The following FZD3 variants were observed in gnomAD, a reference collection of about 807,000 sequenced individuals.
The protein encoded by FZD3 is frizzled-3.
FZD3 carries 30 observed loss-of-function variants against 60.7 expected under a neutral mutation model. That is an observed-to-expected ratio of 0.49 (90% confidence interval 0.37 to 0.67). The LOEUF is 0.67. Among genes scored for constraint, FZD3 ranks in the 30% least tolerant of loss-of-function variants. FZD3 has a pLI of 0.00. For synonymous variants in FZD3, 246 were observed against 275.2 expected, an observed-to-expected ratio of 0.89 and a Z score of 1.05; for missense variants, 605 against 838.7, an observed-to-expected ratio of 0.72 and a Z score of 3.44.
At chr8:28,495,089 C>G (rs547495827) in intron 1 of FZD3, among the ~76,000 whole-genome samples, 3 of 152,196 alleles carry the variant, frequency 2.0e-5, no homozygotes, top group Admixed American at 6.5e-5. Flanking sequence ...GGTGAAGGAG[C>G]CTTGTGTCCT....
chr8:28,496,994 A>G (rs1803861735), intron 1 of FZD3, among the ~76,000 whole-genome samples: 1 of 152,222 alleles, frequency 6.6e-6, no homozygotes, highest in Admixed American at 6.5e-5. Context: ...TTTAAAGTCC[A>G]GAATCTATCT....
intron 5 of FZD3, among the ~76,000 whole-genome samples, chr8:28,543,161 T>C (rs1316547285): frequency 1.3e-5 from 2 of 152,242 alleles, no homozygotes; most frequent in African/African-American, 4.8e-5. Context: ...CAACTCTGAT[T>C]AGCTCTCTTT....
At chr8:28,554,069 A>G (rs937585993) in intron 6 of FZD3, among the ~76,000 whole-genome samples, 4 of 152,236 alleles carry the variant, frequency 2.6e-5, no homozygotes, top group Non-Finnish European at 4.4e-5. Context: ...ACTGGTTTCT[A>G]ACATTGTGCT....
At chr8:28,559,251 A>T (rs78322258) in intron 7 of FZD3, among the ~76,000 whole-genome samples, 1,951 of 152,320 alleles carry the variant, frequency 0.013, 47 homozygotes, top group African/African-American at 0.045. Context: ...GAATCCCTTG[A>T]GTCACTATTA....
At position 28,527,828 on chromosome 8, in the gene FZD3, T is replaced by C; in HGVS notation, c.1068T>C (p.Asn356=). ...CGATGAATAAAATTGAAGGTGACAA[T>C]ATTAGTGGCGTGTGTTTTGTTGGCC... ...LLAMNKIEGD[N]ISGVCFVGLY... Residue 356 remains asparagine (N), a synonymous_variant, in exon 5 of 8, where the codon AAT becomes AAC. Coordinates refer to ENST00000240093, the MANE Select transcript of FZD3 (RefSeq NM_017412.4). The surrounding 1 kb of genome is among the most constrained non-coding windows in gnomAD (Gnocchi z 5.0). The C allele has an allele frequency of 1.9e-6, 3 of 1,614,070 alleles. No individual in the cohort carries two copies. Among genetic ancestry groups the C allele is most frequent in the Non-Finnish European group, 2.5e-6 (3 of 1,179,958 alleles).
At position 28,562,918 on chromosome 8, in the gene FZD3, CA is replaced by C; in HGVS notation, c.1909del (p.Ser637AlafsTer10). The C allele has an allele frequency of 6.2e-7, 1 of 1,612,500 alleles. No homozygotes were observed. The highest frequency in any genetic ancestry group is 8.5e-7 in the Non-Finnish European group (1 of 1,178,530). ...HRLNEQSRHS[S>X]IRDLSNNPMT... ...GGCTCAATGAACAGTCACGACATAG[CA>C]GCATCAGAGATCTCAGTAATAATCC... On this transcript the variant is annotated frameshift_variant, in exon 8 of 8. Transcript: ENST00000240093. LOFTEE classifies it high-confidence loss of function.
intron 6 of FZD3, among the ~76,000 whole-genome samples, chr8:28,555,059 T>C (rs1184561644): frequency 6.6e-6 from 1 of 152,174 alleles, no homozygotes; most frequent in Non-Finnish European, 1.5e-5. Flanking sequence ...AAATTTTTTG[T>C]TCTTAACCAT....
At chr8:28,531,420 AGTT>A (rs1322003773) in intron 5 of FZD3, among the ~76,000 whole-genome samples, 10 of 152,166 alleles carry the variant, frequency 6.6e-5, no homozygotes, top group African/African-American at 1.2e-4. Context: ...TGAATTATAT[AGTT>A]GTTTCTAATT....
At chr8:28,553,735 CCTTATTCT>C (rs1805453998) in intron 6 of FZD3, among the ~76,000 whole-genome samples, 1 of 152,120 alleles carries the variant, frequency 6.6e-6, no homozygotes, top group Non-Finnish European at 1.5e-5. Flanking sequence ...AGTGGCAGCC[CCTTATTCT>C]GGCATTCAAG....
At chr8:28,557,606 T>A (rs1483395528) in intron 7 of FZD3, among the ~76,000 whole-genome samples, 2 of 152,348 alleles carry the variant, frequency 1.3e-5, no homozygotes, top group East Asian at 3.9e-4. Flanking sequence ...TCCTTTTTCT[T>A]TCCTGGCTAG....
intron 5 of FZD3, among the ~76,000 whole-genome samples, chr8:28,533,184 A>G (rs1019311835): frequency 2.6e-5 from 4 of 151,444 alleles, no homozygotes; most frequent in African/African-American, 9.7e-5. Flanking sequence ...CCCATGATCA[A>G]TCTTGTTAAA....
At chr8:28,550,481 C>CTTTTTTTTTTTTTTTTTTTTTTTTTTTTT (rs386412443) in intron 5 of FZD3, among the ~76,000 whole-genome samples, 1 of 34,336 alleles carries the variant, frequency 2.9e-5, no homozygotes, top group Non-Finnish European at 4.7e-5. Context: ...CTTCTTTTAT[C>CTTTTTTTTTTTTTTTTTTTTTTTTTTTTT]TTTTTTTTTT....
At chr8:28,539,043 A>G (rs550146080) in intron 5 of FZD3, among the ~76,000 whole-genome samples, 2 of 152,186 alleles carry the variant, frequency 1.3e-5, no homozygotes, top group Non-Finnish European at 2.9e-5. Context: ...ATACGGAGAA[A>G]CCTAGTAAAA....
rs1804740045 is a variant in FZD3 at position 28,527,345 on chromosome 8, A to G, written c.585A>G (p.Arg195=). Residue 195 remains arginine (R), a synonymous_variant, in exon 5 of 8, where the codon AGA becomes AGG. Transcript: ENST00000240093. The surrounding 1 kb of genome is among the most constrained non-coding windows in gnomAD (Gnocchi z 5.0). The part of the protein sequence containing the change: ...CSPPCPNMYF[R]REELSFARYF... ...CTCCTTGTCCAAATATGTACTTCAGAAGAGAAGAACTGTCATTTGCTCGCT... is the reference window on the plus strand; with the variant it reads ...CTCCTTGTCCAAATATGTACTTCAGGAGAGAAGAACTGTCATTTGCTCGCT... 6.2e-7 allele frequency: 1 copy of G among 1,613,652 alleles called. No homozygotes were observed. The highest frequency in any genetic ancestry group is 8.5e-7 in the Non-Finnish European group (1 of 1,179,534).
chr8:28,494,646 G>T (rs967717281), intron 1 of FZD3, among the ~76,000 whole-genome samples: 1 of 152,054 alleles, frequency 6.6e-6, no homozygotes, highest in African/African-American at 2.4e-5. Context: ...TAAGGGGGGA[G>T]CTGCCCCGGG....
intron 1 of FZD3, among the ~76,000 whole-genome samples, chr8:28,494,712 G>A (rs955470593): frequency 1.3e-5 from 2 of 152,054 alleles, no homozygotes; most frequent in South Asian, 2.1e-4. Context: ...TGCGAGTGTG[G>A]ACCGCGGTTC....
chr8:28,544,742 AT>A (rs949069097), intron 5 of FZD3, among the ~76,000 whole-genome samples: 2 of 152,102 alleles, frequency 1.3e-5, no homozygotes, highest in Admixed American at 6.5e-5. Context: ...CACAATTTAC[AT>A]TTTTCCATAC....
rs138900285 is a variant in FZD3 at position 28,527,114 on chromosome 8, T to C, written c.387-33T>C. ...AGATCGTGATAGATTTCCCCATAAG[T>C]AAAAATAGTTCTCATCTTGTTTTGT... On this transcript the variant is annotated intron_variant, in intron 4 of 7. Coordinates refer to ENST00000240093, the MANE Select transcript of FZD3 (RefSeq NM_017412.4). The surrounding 1 kb of genome is among the most constrained non-coding windows in gnomAD (Gnocchi z 5.0). The C allele has an allele frequency of 0.017, 26,170 of 1,554,894 alleles. 271 individuals carry two copies. The highest frequency in any genetic ancestry group is 0.02 in the Non-Finnish European group (23,009 of 1,148,300).
At chr8:28,506,397 T>C (rs1271106505) in intron 3 of FZD3, among the ~76,000 whole-genome samples, 1 of 152,204 alleles carries the variant, frequency 6.6e-6, no homozygotes, top group Admixed American at 6.5e-5. Context: ...TAAGATCAAG[T>C]GAGATAAGTG....
Sources: gnomAD v4.1 joint callset for allele counts (sites outside exome capture counted in the v4.1 genomes callset) on GRCh38, gnomAD v4.1.1 for gene constraint, Gnocchi (gnomAD v3.1) non-coding constraint, MANE v1.5 for transcripts, NCBI Gene and HGNC (gene_info 2026-07-23, HGNC 2026-07-21) for gene names.